EVC: variants seen among roughly 807,000 people sequenced by gnomAD.
EVC encodes the protein EvC ciliary complex subunit 1.
In EVC, 116 loss-of-function variants were observed where a neutral mutation model predicts 118.9. The ratio of observed to expected loss-of-function variants is 0.98; its 90% CI spans 0.84 to 1.14. The LOEUF (loss-of-function observed/expected upper bound fraction) is 1.14, where lower values mean the gene tolerates loss of function less well. EVC is among the 50% of genes most tolerant of loss of function. The pLI is 0.00. For missense variants in EVC, 1,401 were observed against 1,246.4 expected, an observed-to-expected ratio of 1.12 and a Z score of -1.87; for synonymous variants, 619 against 534.7, an observed-to-expected ratio of 1.16 and a Z score of -2.18.
At chr4:5,735,072 A>C (rs1417075736) in intron 5 of EVC, among the ~76,000 whole-genome samples, 6 of 152,236 alleles carry the variant, frequency 3.9e-5, no homozygotes, top group Admixed American at 2.0e-4. Flanking sequence ...ACCATCCAGC[A>C]CAGGGGTGTG....
In EVC at chr4:5,802,052, G is replaced by A. The variant is rs1478086711; in HGVS notation, c.2407G>A (p.Asp803Asn). The A allele has an allele frequency of 6.2e-7, 1 of 1,614,224 alleles. No homozygotes were observed. The highest frequency in any genetic ancestry group is 8.5e-7 in the Non-Finnish European group (1 of 1,180,048). Residue 803 changes from aspartate (D) to asparagine (N), a missense_variant, in exon 16 of 21, where the codon GAC becomes AAC. By Grantham distance (23) the Asp-to-Asn change is conservative (BLOSUM62 1). Coordinates refer to ENST00000264956, the MANE Select transcript of EVC (RefSeq NM_153717.3). Reference protein sequence around the residue: ...YYQQIGRIMEDHEERKLQHLK... With the variant: ...YYQQIGRIMENHEERKLQHLK... ...CCAGCAAATCGGAAGGATCATGGAG[G>A]ACCACGAGGAGAGAAAACTGCAGCA... is the stretch of plus-strand genomic sequence containing the variant.
intron 2 of EVC, among the ~76,000 whole-genome samples, chr4:5,727,641 C>T (rs200560823): frequency 0.23 from 34,762 of 150,146 alleles, 4,057 homozygotes; most frequent in African/African-American, 0.27. Context: ...ACATGAAGTC[C>T]TTGCACATGC....
At chr4:5,824,089 A>C in the EVC span, among the ~76,000 whole-genome samples, 1 of 152,130 alleles carries the variant, frequency 6.6e-6, no homozygotes, top group African/African-American at 2.4e-5. Flanking sequence ...TTTTAACTTC[A>C]TTGTTATTCT....
intron 6 of EVC, among the ~76,000 whole-genome samples, chr4:5,744,052 A>G (rs1453919677): frequency 6.6e-6 from 1 of 152,234 alleles, no homozygotes; most frequent in Non-Finnish European, 1.5e-5. Flanking sequence ...GTTAATTATA[A>G]TAGTGGCTAC....
Position 5,746,435 on chromosome 4 carries a change from C to G in EVC, c.939+1094C>G, listed in dbSNP as rs980546563. Among the ~76,000 whole-genome samples, 1 of 152,154 alleles carries G rather than the reference C, an allele frequency of 6.6e-6. No homozygotes were observed. Among genetic ancestry groups the G allele is most frequent in the African/African-American group, 2.4e-5 (1 of 41,438 alleles). The stretch of plus-strand genomic sequence containing the variant: ...CCAGGGTCAGTGCTGCTGAAATAAG[C>G]GCCCCAGAGCAAGATGCTCATGGGA... On this transcript the variant is annotated intron_variant, in intron 7 of 20. Coordinates refer to ENST00000264956, the MANE Select transcript of EVC (RefSeq NM_153717.3). The surrounding 1 kb of genome is among the most constrained non-coding windows in gnomAD (Gnocchi z 5.8).
intron 11 of EVC, 86 bp from the exon 12 acceptor site, chr4:5,783,466 C>T: frequency 1.5e-6 from 2 of 1,295,778 alleles, no homozygotes; most frequent in East Asian, 2.3e-5. Context: ...TTGTGGGAGG[C>T]TTGTGGAGGA....
the EVC span, chr4:5,825,785 CACACA>C: frequency 1.2e-6 from 1 of 869,384 alleles, no homozygotes; most frequent in Middle Eastern, 2.4e-4. This position sits in a 1 kb window ranked among gnomAD's most constrained non-coding sequence, Gnocchi z 4.4. Context: ...TGCACACACA[CACACA>C]ACACGCACAC....
chr4:5,730,868 C>A (rs1243345204), intron 3 of EVC, among the ~76,000 whole-genome samples: 1 of 151,924 alleles, frequency 6.6e-6, no homozygotes, highest in Non-Finnish European at 1.5e-5. Context: ...TTTGCTGGGC[C>A]CTCTAGCCAT....
At chr4:5,777,994 C>G (rs1270644433) in intron 11 of EVC, among the ~76,000 whole-genome samples, 1 of 149,560 alleles carries the variant, frequency 6.7e-6, no homozygotes, top group Non-Finnish European at 1.5e-5. Flanking sequence ...CCCCCTCCCC[C>G]TACCCCACAA....
chr4:5,780,372 T>G (rs1020501750), intron 11 of EVC, among the ~76,000 whole-genome samples: 1 of 152,206 alleles, frequency 6.6e-6, no homozygotes, highest in Admixed American at 6.5e-5. Context: ...TGGCTAAGGG[T>G]ATGAGTCCAA....
At chr4:5,734,969 C>T (rs1304025670) in intron 5 of EVC, among the ~76,000 whole-genome samples, 12 of 152,152 alleles carry the variant, frequency 7.9e-5, no homozygotes, top group Admixed American at 6.5e-4. Context: ...GTCCAGTTGG[C>T]AAGCAGAGTA....
chr4:5,827,292 G>A, the EVC span, among the ~76,000 whole-genome samples: 10 of 152,182 alleles, frequency 6.6e-5, 1 homozygote, highest in South Asian at 2.1e-3. Context: ...ATTTCCATGA[G>A]TCCCCTTGTC....
At chr4:5,821,926 C>G in the EVC span, 11 of 1,168,316 alleles carry the variant, frequency 9.4e-6, no homozygotes, top group Non-Finnish European at 1.3e-5. This position sits in a 1 kb window ranked among gnomAD's most constrained non-coding sequence, Gnocchi z 4.4. Flanking sequence ...AGGCCATGTA[C>G]TCTGCCATGC....
At position 5,728,512 on chromosome 4, in the gene EVC, T is replaced by C. The variant is rs190543796; in HGVS notation, c.301-795T>C. 3.1e-3 allele frequency among the ~76,000 whole-genome samples: 469 copies of C among 152,286 alleles called. 2 individuals are homozygous for C. Among genetic ancestry groups the C allele is most frequent in the Non-Finnish European group, 5.1e-3 (345 of 68,034 alleles). On this transcript the variant is annotated intron_variant, in intron 2 of 20. Coordinates refer to ENST00000264956, the MANE Select transcript of EVC (RefSeq NM_153717.3). ...GTTTTCTAGATATACAATCATGTCG[T>C]CTGCAAACAGGGACAATTTGACTTC...
Position 5,813,536 on chromosome 4 carries a change from C to G in EVC, c.*2499C>G, listed in dbSNP as rs1717231118. On this transcript the variant is annotated 3_prime_UTR_variant, in exon 21 of 21. Transcript: ENST00000264956. ...ATCACTTTTATATTGTCACATGGGC[C>G]CTCTGCACAGAGTCCGATGGCTCCT... 6.6e-6 allele frequency: 1 copy of G among 152,184 alleles called. No individual in the cohort carries two copies. Among genetic ancestry groups the G allele is most frequent in the African/African-American group, 2.4e-5 (1 of 41,428 alleles). 9.4% of individuals were successfully genotyped at this position (152,184 alleles called of 1,614,324 possible).
intron 3 of EVC, among the ~76,000 whole-genome samples, chr4:5,730,759 G>A (rs1726673618): frequency 6.6e-6 from 1 of 152,038 alleles, no homozygotes; most frequent in East Asian, 1.9e-4. Flanking sequence ...TCAGGTAGGG[G>A]GACCAAAGTC....
chr4:5,766,322 T>A (rs1202380848), intron 11 of EVC, among the ~76,000 whole-genome samples: 1 of 150,570 alleles, frequency 6.6e-6, no homozygotes, highest in Admixed American at 6.6e-5. Flanking sequence ...CCTTTCTCTC[T>A]GGCTGCCCTT....
chr4:5,745,453 T>C, intron 7 of EVC, 112 bp downstream of exon 7: 2 of 1,162,818 alleles, frequency 1.7e-6, no homozygotes, highest in Admixed American at 3.7e-5. Flanking sequence ...AATTCCCCTA[T>C]CGCATTCTGC....
chr4:5,822,077 G>C, the EVC span, among the ~76,000 whole-genome samples: 1 of 152,220 alleles, frequency 6.6e-6, no homozygotes, highest in South Asian at 2.1e-4. Context: ...TGACCACCTT[G>C]TGGTGTTCTT....
Sources: gnomAD v4.1 joint callset for allele counts (sites outside exome capture counted in the v4.1 genomes callset) on GRCh38, gnomAD v4.1.1 for gene constraint, Gnocchi (gnomAD v3.1) non-coding constraint, MANE v1.5 for transcripts, NCBI Gene and HGNC (gene_info 2026-07-23, HGNC 2026-07-21) for gene names.